The following RAP1GAP variants were observed in gnomAD, a reference collection of about 807,000 sequenced individuals.
The protein encoded by RAP1GAP is RAP1 GTPase activating protein.
In RAP1GAP, 35 loss-of-function variants were observed where a neutral mutation model predicts 87.2. The ratio of observed to expected loss-of-function variants is 0.40; its 90% confidence interval spans 0.31 to 0.53. The LOEUF (loss-of-function observed/expected upper bound fraction) is 0.53. RAP1GAP is among the 20% of genes least tolerant of loss of function. The pLI is 0.48. For missense variants in RAP1GAP, 734 were observed against 898.9 expected, an observed-to-expected ratio of 0.82 and a Z score of 2.35; for synonymous variants, 375 against 363.9, an observed-to-expected ratio of 1.03 and a Z score of -0.35.
chr1:21,600,935 C>T (rs940235723), intron 20 of RAP1GAP, among the ~76,000 whole-genome samples: 1 of 148,884 alleles, frequency 6.7e-6, no homozygotes, highest in Non-Finnish European at 1.5e-5. Flanking sequence ...AGCTATAAGC[C>T]AGTGTCTGCC....
At chr1:21,640,439 T>A (rs1005776912) in intron 2 of RAP1GAP, among the ~76,000 whole-genome samples, 1 of 152,222 alleles carries the variant, frequency 6.6e-6, no homozygotes, top group African/African-American at 2.4e-5. Context: ...TTGGGTCTGA[T>A]CTGCTGCATG....
chr1:21,598,346 C>T, intron 22 of RAP1GAP, 54 bp downstream of exon 22: 1 of 1,495,988 alleles, frequency 6.7e-7, no homozygotes, highest in Non-Finnish European at 9.3e-7. Flanking sequence ...AGCCCTGTCC[C>T]CCTCCTACCC....
intron 1 of RAP1GAP, among the ~76,000 whole-genome samples, chr1:21,663,781 G>A (rs1259832306): frequency 6.6e-6 from 1 of 152,122 alleles, no homozygotes; most frequent in Non-Finnish European, 1.5e-5. Context: ...CATGGCTCCC[G>A]TGGCCTTGAG....
chr1:21,612,022 A>C lies in RAP1GAP; in HGVS notation c.612+4T>G, dbSNP rs1315995051. 1 of 1,547,596 alleles carries C rather than the reference A, an allele frequency of 6.5e-7. No individual in the cohort carries two copies. The highest frequency in any genetic ancestry group is 1.4e-5 in the African/African-American group (1 of 73,232). On this transcript the variant is annotated splice_donor_region_variant and intron_variant, in intron 11 of 24. Coordinates refer to ENST00000374765, the MANE Select transcript of RAP1GAP (RefSeq NM_002885.4). ...GAGGGGCGGCAGGGAGGAGGTGAGC[A>C]CACCTGCCCAAGCTTCTGATAAATG...
At chr1:21,652,754 A>T (rs2096667478) in intron 1 of RAP1GAP, among the ~76,000 whole-genome samples, 1 of 152,136 alleles carries the variant, frequency 6.6e-6, no homozygotes, top group South Asian at 2.1e-4. Context: ...CCTCAGAGTA[A>T]GCTGTTTCCC....
intron 18 of RAP1GAP, 30 bp downstream of exon 18, chr1:21,606,035 GC>G (rs2074293348): frequency 1.3e-6 from 2 of 1,556,466 alleles, no homozygotes; most frequent in Non-Finnish European, 8.7e-7. Context: ...CCAGGGAGGG[GC>G]CGGGGCCTGG....
chr1:21,626,995 A>T (rs1375510799), intron 2 of RAP1GAP: 1 of 456,728 alleles, frequency 2.2e-6, no homozygotes, highest in South Asian at 1.5e-5. Flanking sequence ...CAGCAAAGCT[A>T]GCATCTGCAT....
At position 21,609,825 on chromosome 1, in the gene RAP1GAP, A is replaced by C. The variant is rs2077105532; in HGVS notation, c.1000-179T>G. On this transcript the variant is annotated intron_variant, in intron 14 of 24. Transcript: ENST00000374765. This position sits in a 1 kb window ranked among gnomAD's most constrained non-coding sequence, Gnocchi z 4.4. ...CCCTCTATCTTTTGCCCTGAATTTTAGTGGTGGAGATGGGTAGGGGCCTTA... is the reference window on the plus strand; with the variant it reads ...CCCTCTATCTTTTGCCCTGAATTTTCGTGGTGGAGATGGGTAGGGGCCTTA... 6.6e-6 allele frequency among the ~76,000 whole-genome samples: 1 copy of C among 152,090 alleles called. No homozygotes were observed. Among genetic ancestry groups the C allele is most frequent in the Admixed American group, 6.5e-5 (1 of 15,276 alleles).
chr1:21,604,741 C>T (rs924070323), intron 18 of RAP1GAP, among the ~76,000 whole-genome samples: 13 of 151,664 alleles, frequency 8.6e-5, no homozygotes, highest in East Asian at 5.8e-4. Context: ...CAGCACTGAG[C>T]GCAGGGCTTG....
At chr1:21,617,859 A>G (rs748488) in intron 6 of RAP1GAP, 75 bp downstream of exon 6, 444,046 of 1,590,300 alleles carry the variant, frequency 0.28, 63,540 homozygotes, top group Non-Finnish European at 0.29. Flanking sequence ...AAGGAGGAGG[A>G]CCTGGTATCC....
rs41306582 is a variant in RAP1GAP at position 21,603,096 on chromosome 1, G to A, written c.1429-183C>T. 1,811 of 580,326 alleles carry A rather than the reference G, an allele frequency of 3.1e-3. 9 individuals carry two copies. The highest frequency in any genetic ancestry group is 4.7e-3 in the Non-Finnish European group (1,519 of 324,786). The allele number at this position is 580,326 out of a possible 1,614,324, so 35.9% of individuals were successfully genotyped here. On this transcript the variant is annotated intron_variant, in intron 18 of 24. Coordinates refer to ENST00000374765, the MANE Select transcript of RAP1GAP (RefSeq NM_002885.4). This position sits in a 1 kb window ranked among gnomAD's most constrained non-coding sequence, Gnocchi z 6.0. ...TTTACGAAAGGGAAACAGTCCCCAG[G>A]AGGGCAAGGGGCTCTCCCGAGCTCA... is the stretch of plus-strand genomic sequence containing the variant.
At chr1:21,604,843 AGATGGATG>A (rs369644872) in intron 18 of RAP1GAP, among the ~76,000 whole-genome samples, 1,469 of 121,898 alleles carry the variant, frequency 0.012, 27 homozygotes, top group African/African-American at 0.041. Context: ...GGATGGATAG[AGATGGATG>A]GATGGATGGA....
At position 21,622,380 on chromosome 1, in the gene RAP1GAP, G is replaced by C; in HGVS notation, c.-18-2330C>G. The C allele has an allele frequency of 2.3e-6, 1 of 437,868 alleles. No individual in the cohort carries two copies. The highest frequency in any genetic ancestry group is 4.0e-6 in the Non-Finnish European group (1 of 249,032). 27.1% of individuals were successfully genotyped at this position (437,868 alleles called of 1,614,324 possible). On this transcript the variant is annotated intron_variant, in intron 3 of 24. Coordinates refer to ENST00000374765, the MANE Select transcript of RAP1GAP (RefSeq NM_002885.4). The surrounding 1 kb of genome is among the most constrained non-coding windows in gnomAD (Gnocchi z 5.7). ...GCGGGCAGCGAGCCCCTCCGCGGAC[G>C]GCCGGGTGGCACCGCGGGCCGCAGC...
At chr1:21,638,096 G>A (rs1172687844) in intron 2 of RAP1GAP, among the ~76,000 whole-genome samples, 3 of 150,470 alleles carry the variant, frequency 2.0e-5, no homozygotes, top group African/African-American at 7.4e-5. Flanking sequence ...GGCTTCAGTG[G>A]GCCAACATTG....
intron 17 of RAP1GAP, among the ~76,000 whole-genome samples, chr1:21,607,595 T>C (rs948659149): frequency 1.3e-5 from 2 of 152,024 alleles, no homozygotes; most frequent in Non-Finnish European, 2.9e-5. Flanking sequence ...CTTCCTCTCT[T>C]CTCTTCCTGC....
chr1:21,614,221 C>T lies in RAP1GAP; in HGVS notation c.292-132G>A. 9.6e-6 allele frequency: 6 copies of T among 625,344 alleles called. No homozygotes were observed. The South Asian group carries it at 1.1e-4, about 12-fold the overall frequency. 38.7% of individuals were successfully genotyped at this position (625,344 alleles called of 1,614,324 possible). On this transcript the variant is annotated intron_variant, in intron 7 of 24. Coordinates refer to ENST00000374765, the MANE Select transcript of RAP1GAP (RefSeq NM_002885.4). ...AGCAGGTGTCACGGCTGATAGCAGA[C>T]CCCACATCAGACAGACCTGCACTCA...
chr1:21,658,555 ACT>A (rs1242531016), intron 1 of RAP1GAP, among the ~76,000 whole-genome samples: 1 of 150,684 alleles, frequency 6.6e-6, no homozygotes, highest in Non-Finnish European at 1.5e-5. Context: ...AGTTTTTGAG[ACT>A]CTGTCTCAAA....
chr1:21,632,658 G>A (rs1426245738), intron 2 of RAP1GAP, among the ~76,000 whole-genome samples: 2 of 152,184 alleles, frequency 1.3e-5, no homozygotes, highest in African/African-American at 4.8e-5. Flanking sequence ...CCAGCACTTT[G>A]GTAGGCTGAG....
chr1:21,632,948 T>C (rs1348401608), intron 2 of RAP1GAP, among the ~76,000 whole-genome samples: 1 of 152,072 alleles, frequency 6.6e-6, no homozygotes, highest in Admixed American at 6.5e-5. Context: ...TCAGGAATGG[T>C]TGGGCAGAGG....
Sources: allele counts gnomAD v4.1 joint callset (sites outside exome capture counted in the v4.1 genomes callset), GRCh38; gene constraint gnomAD v4.1.1; non-coding constraint Gnocchi (gnomAD v3.1); transcripts MANE v1.5; gene names NCBI Gene and HGNC (gene_info 2026-07-23, HGNC 2026-07-21).